Variants in RFX2 observed in about 807,000 individuals in gnomAD.
The protein encoded by RFX2 is regulatory factor X2, also known as DNA-binding protein RFX2.
Under a neutral mutation model 87.8 loss-of-function variants are expected in RFX2, and 20 were observed. The observed-to-expected ratio is 0.23, with a 90% CI of 0.16 to 0.33. The LOEUF is 0.33. RFX2 is among the 10% of genes least tolerant of loss of function. The probability of loss-of-function intolerance (pLI) is 1.00; values close to 1 mark genes in which losing one functional copy is unlikely to be tolerated. For synonymous variants in RFX2, 397 were observed against 431.3 expected (o/e 0.92, Z 0.98); for missense variants, 767 against 1,012.3 (o/e 0.76, Z 3.29).
Position 6,040,228 on chromosome 19 carries a change from T to C in RFX2, c.274A>G (p.Thr92Ala), listed in dbSNP as rs1599875251. 1 of 1,560,546 alleles carries C rather than the reference T, an allele frequency of 6.4e-7. No individual in the cohort carries two copies. The highest frequency in any genetic ancestry group is 8.7e-7 in the Non-Finnish European group (1 of 1,146,380). ...YTNGAIRTAY[T>A]YNPEPQMYAP... ...TACATCTGAGGCTCGGGGTTGTAGG[T>C]GTAGGCTGTTCGTCTGTTAGAAAGA... The change falls in exon 5 of 18, where the codon ACC (threonine) becomes GCC (alanine). Residue 92 changes from threonine to alanine, a missense_variant. Thr to Ala is a moderately conservative substitution (Grantham distance 58, BLOSUM62 0). Transcript: ENST00000303657. This position sits in a 1 kb window ranked among gnomAD's most constrained non-coding sequence, Gnocchi z 6.1.
intron 1 of RFX2, among the ~76,000 whole-genome samples, chr19:6,071,759 C>T (rs2087609703): frequency 6.6e-6 from 1 of 152,006 alleles, no homozygotes; most frequent in Non-Finnish European, 1.5e-5. Flanking sequence ...AAATTAGTCC[C>T]AATTAATTCT....
In RFX2 at chr19:6,044,182, C is replaced by T. The variant is rs1263639342; in HGVS notation, c.180+11G>A. On this transcript the variant is annotated intron_variant, in intron 3 of 17. Transcript: ENST00000303657. This position sits in a 1 kb window ranked among gnomAD's most constrained non-coding sequence, Gnocchi z 5.3. ...CCCCGGTTTGCACGGTGCTGCGGTGCTTGTCATTACCTGCTGGGGTACCTG... is the reference window on the plus strand; with the variant it reads ...CCCCGGTTTGCACGGTGCTGCGGTGTTTGTCATTACCTGCTGGGGTACCTG... The T allele has an allele frequency of 7.2e-6, 11 of 1,528,718 alleles. No homozygotes were observed. The highest frequency in any genetic ancestry group is 9.7e-6 in the Non-Finnish European group (11 of 1,136,004). The allele number at this position is 1,528,718 out of a possible 1,614,324, so 94.7% of individuals were successfully genotyped here. A position where few individuals can be genotyped will look rare whatever the true frequency, so the allele number is the denominator to read the frequency against.
Position 6,007,703 on chromosome 19 carries a change from A to AGGT in RFX2, c.1231_1233dup (p.Thr411dup). 6.4e-7 allele frequency: 1 copy of AGGT among 1,551,744 alleles called. No individual in the cohort carries two copies. The highest frequency in any genetic ancestry group is 8.7e-7 in the Non-Finnish European group (1 of 1,146,122). ...TGTGGCAGTCACCTGGCAGGAAGAG[A>AGGT]GGTGGGGCCGTCGCTGGAGGAGGCC... On this transcript the variant is annotated inframe_insertion, in exon 11 of 18. Coordinates refer to ENST00000303657, the MANE Select transcript of RFX2 (RefSeq NM_000635.4). This position sits in a 1 kb window ranked among gnomAD's most constrained non-coding sequence, Gnocchi z 8.2.
rs1158487868 is a variant in RFX2, at chr19:6,023,208, G to C, written c.597+2955C>G. 1 of 152,392 alleles carries C rather than the reference G, an allele frequency of 6.6e-6. No homozygotes were observed. The highest frequency in any genetic ancestry group is 1.5e-5 in the Non-Finnish European group (1 of 68,162). The allele number at this position is 152,392 out of a possible 1,614,324, so 9.4% of individuals were successfully genotyped here. On this transcript the variant is annotated intron_variant, in intron 6 of 17. Coordinates refer to ENST00000303657, the MANE Select transcript of RFX2 (RefSeq NM_000635.4). The surrounding 1 kb of genome is among the most constrained non-coding windows in gnomAD (Gnocchi z 4.9). ...GACCTGCCTGGGGCTGTCTGAGAAG[G>C]GAGGTCTGGGAGGCCACTGGGAAAA...
chr19:6,108,902 C>T (rs1015224437), intron 1 of RFX2, among the ~76,000 whole-genome samples: 1 of 151,778 alleles, frequency 6.6e-6, no homozygotes. Flanking sequence ...ACTTTCCCAG[C>T]GGTGCAGCGA....
intron 1 of RFX2, among the ~76,000 whole-genome samples, chr19:6,079,096 A>G (rs1225732667): frequency 1.3e-5 from 2 of 152,172 alleles, no homozygotes; most frequent in African/African-American, 4.8e-5. Flanking sequence ...TATCATTTTA[A>G]AAGTTGTAAT....
At position 6,004,417 on chromosome 19, in the gene RFX2, C is replaced by T; in HGVS notation, c.1403-119G>A. On this transcript the variant is annotated intron_variant, in intron 12 of 17. Transcript: ENST00000303657. The surrounding 1 kb of genome is among the most constrained non-coding windows in gnomAD (Gnocchi z 4.8). ...GAAAATGACCACCATGAAGAACGAG[C>T]CACACAGGCGACGGGGAACCGAGGA... 1.2e-6 allele frequency: 1 copy of T among 816,600 alleles called. No homozygotes were observed. Among genetic ancestry groups the T allele is most frequent in the Non-Finnish European group, 2.1e-6 (1 of 474,684 alleles). 50.6% of individuals were successfully genotyped at this position (816,600 alleles called of 1,614,324 possible).
intron 1 of RFX2, among the ~76,000 whole-genome samples, chr19:6,085,671 A>G (rs2087846875): frequency 6.6e-6 from 1 of 152,230 alleles, no homozygotes; most frequent in African/African-American, 2.4e-5. Context: ...TGTCCTATCC[A>G]AGAAATCATT....
At chr19:6,062,050 A>G (rs1216889105) in intron 1 of RFX2, among the ~76,000 whole-genome samples, 1 of 152,106 alleles carries the variant, frequency 6.6e-6, no homozygotes, top group Non-Finnish European at 1.5e-5. Flanking sequence ...TAATTCCAGC[A>G]CTTTGGGAGG....
intron 1 of RFX2, among the ~76,000 whole-genome samples, chr19:6,082,001 T>G (rs2087791548): frequency 6.6e-6 from 1 of 152,178 alleles, no homozygotes; most frequent in South Asian, 2.1e-4. Context: ...GGCAGGAGAA[T>G]GGCGTGAACC....
Position 6,080,878 on chromosome 19 carries a change from A to C in RFX2, c.-9+29515T>G, listed in dbSNP as rs113750734. Among the ~76,000 whole-genome samples the C allele has an allele frequency of 3.3e-3, 496 of 152,162 alleles. 3 individuals carry two copies. Among genetic ancestry groups the C allele is most frequent in the African/African-American group, 0.011 (470 of 41,500 alleles). On this transcript the variant is annotated intron_variant, in intron 1 of 17. Coordinates refer to ENST00000303657, the MANE Select transcript of RFX2 (RefSeq NM_000635.4). ...TGGTGAAACCCCATCTCTACTAAAA[A>C]TACAAAAATTAGCTGGGTGTGGTGA... is the stretch of plus-strand genomic sequence containing the variant.
chr19:6,013,190 T>A lies in RFX2; in HGVS notation c.780-85A>T. The A allele has an allele frequency of 7.4e-7, 1 of 1,343,684 alleles. No homozygotes were observed. Among genetic ancestry groups the A allele is most frequent in the Non-Finnish European group, 9.9e-7 (1 of 1,008,954 alleles). 83.2% of individuals were successfully genotyped at this position (1,343,684 alleles called of 1,614,324 possible). A position where few individuals can be genotyped will look rare whatever the true frequency, so the allele number is the denominator to read the frequency against. ...GTTGGGATTCTTTTTCTTTCTTTCT[T>A]CTTTTTTTTTTTTGAGACAGAATCT... On this transcript the variant is annotated intron_variant, in intron 7 of 17. Coordinates refer to ENST00000303657, the MANE Select transcript of RFX2 (RefSeq NM_000635.4). This position sits in a 1 kb window ranked among gnomAD's most constrained non-coding sequence, Gnocchi z 4.1.
At chr19:6,093,678 C>A (rs997660542) in intron 1 of RFX2, among the ~76,000 whole-genome samples, 1 of 151,154 alleles carries the variant, frequency 6.6e-6, no homozygotes, top group Non-Finnish European at 1.5e-5. Flanking sequence ...GGTAAAAGAG[C>A]AGGTGGCAGA....
In RFX2 at chr19:6,061,031, CA is replaced by C. The variant is rs2087421869; in HGVS notation, c.-8-13528del. Among the ~76,000 whole-genome samples, 1 of 152,168 alleles carries C rather than the reference CA, an allele frequency of 6.6e-6. No individual in the cohort carries two copies. Among genetic ancestry groups the C allele is most frequent in the South Asian group, 2.1e-4 (1 of 4,830 alleles). ...ATTGCTCCTCTTGCGTTTCCTAAGC[CA>C]GGGGGCTGTTCAAGGCACTGGGCAT... On this transcript the variant is annotated intron_variant, in intron 1 of 17. Transcript: ENST00000303657. This position sits in a 1 kb window ranked among gnomAD's most constrained non-coding sequence, Gnocchi z 5.2.
chr19:6,027,274 GTGGTTCTGCCTT>G lies in RFX2; in HGVS notation c.523-1049_523-1038del. On this transcript the variant is annotated intron_variant, in intron 5 of 17. Transcript: ENST00000303657. This position sits in a 1 kb window ranked among gnomAD's most constrained non-coding sequence, Gnocchi z 5.0. ...GCTTCTCCCACGGCCTCCGACCACG[GTGGTTCTGCCTT>G]CTCTCATTAGCTACCCTTGCTTCAA... 6.6e-6 allele frequency: 1 copy of G among 152,240 alleles called. No individual in the cohort carries two copies. The highest frequency in any genetic ancestry group is 1.5e-5 in the Non-Finnish European group (1 of 68,062). 9.4% of individuals were successfully genotyped at this position (152,240 alleles called of 1,614,324 possible). A position where few individuals can be genotyped will look rare whatever the true frequency, so the allele number is the denominator to read the frequency against.
intron 1 of RFX2, among the ~76,000 whole-genome samples, chr19:6,062,139 A>T (rs533179091): frequency 4.6e-5 from 7 of 152,170 alleles, no homozygotes; most frequent in Non-Finnish European, 1.0e-4. Context: ...AGCCTGGGAG[A>T]CAGAGGAAGA....
Position 6,016,190 on chromosome 19 carries a change from G to C in RFX2, c.679C>G (p.His227Asp), listed in dbSNP as rs780503807. The change falls in exon 7 of 18, where the codon CAC (histidine) becomes GAC (aspartate). Residue 227 changes from histidine to aspartate, a missense_variant. Physicochemically the swap from His to Asp is moderately conservative, Grantham distance 81. Around this residue, in one of 2 missense-constraint regions of RFX2, gnomAD observed 621 missense variants for 873.0 expected, o/e 0.71. Transcript: ENST00000303657. The surrounding 1 kb of genome is among the most constrained non-coding windows in gnomAD (Gnocchi z 5.4). ...RSSLYNHYLR[H>D]CQEHKLDPVN... ...GGGTCTAGCTTGTGCTCCTGGCAGT[G>C]CCGAAGGTAGTGGTTGTAAAGAGAA... is the stretch of plus-strand genomic sequence containing the variant. The C allele has an allele frequency of 5.0e-6, 8 of 1,613,966 alleles. No homozygotes were observed. Among genetic ancestry groups the C allele is most frequent in the African/African-American group, 1.3e-5 (1 of 74,936 alleles).
At chr19:6,033,634 A>C (rs908391521) in intron 5 of RFX2, among the ~76,000 whole-genome samples, 9 of 151,680 alleles carry the variant, frequency 5.9e-5, no homozygotes, top group Admixed American at 4.6e-4. Flanking sequence ...AAAAAAAAAA[A>C]AACCCTATAA....
intron 1 of RFX2, among the ~76,000 whole-genome samples, chr19:6,093,258 G>A (rs2087969604): frequency 6.6e-6 from 1 of 152,212 alleles, no homozygotes; most frequent in Admixed American, 6.5e-5. Context: ...ACTAAGGCCG[G>A]GTGCGGTGGT....
Sources: allele counts gnomAD v4.1 joint callset (sites outside exome capture counted in the v4.1 genomes callset), GRCh38; gene constraint gnomAD v4.1.1; regional missense constraint gnomAD v4.1.1; non-coding constraint Gnocchi (gnomAD v3.1); transcripts MANE v1.5; gene names NCBI Gene and HGNC (gene_info 2026-07-23, HGNC 2026-07-21).